The following DZANK1 variants were observed in gnomAD, a reference collection of about 807,000 sequenced individuals.
The protein encoded by DZANK1 is double zinc ribbon and ankyrin repeat-containing protein 1.
DZANK1 carries 91 observed loss-of-function variants against 94.5 expected under a neutral mutation model. The observed-to-expected ratio is 0.96, with a 90% CI of 0.81 to 1.15. The LOEUF (loss-of-function observed/expected upper bound fraction) is 1.15, where lower values mean the gene tolerates loss of function less well. DZANK1 is among the 50% of genes most tolerant of loss of function. The pLI is 0.00. For synonymous variants in DZANK1, 312 were observed against 325.3 expected (o/e 0.96, Z 0.44); for missense variants, 903 against 916.4 (o/e 0.99, Z 0.19).
intron 12 of DZANK1, 125 bp from the exon 13 acceptor site, chr20:18,412,978 T>C (rs770774618): frequency 1.4e-5 from 13 of 925,158 alleles, no homozygotes; most frequent in East Asian, 2.6e-5. Flanking sequence ...TTGGAACTAA[T>C]AGGGTTTTCC....
In DZANK1 at chr20:18,422,452, T is replaced by A. The variant is rs190933846; in HGVS notation, c.954+4615A>T. Reference sequence around the variant, plus strand: ...TGTTCTGATTACTATATGCTGAATATCTCTAATCTGAAAATCTAAAATCTA... The same window carrying A: ...TGTTCTGATTACTATATGCTGAATAACTCTAATCTGAAAATCTAAAATCTA... On this transcript the variant is annotated intron_variant, in intron 10 of 20. Transcript: ENST00000262547. Among the ~76,000 whole-genome samples, 361 of 152,320 alleles carry A rather than the reference T, an allele frequency of 2.4e-3. 5 individuals carry two copies. Among genetic ancestry groups the A allele is most frequent in the Admixed American group, 0.02 (304 of 15,288 alleles).
chr20:18,398,870 C>G (rs756988640), intron 13 of DZANK1, among the ~76,000 whole-genome samples: 1 of 152,144 alleles, frequency 6.6e-6, no homozygotes, highest in African/African-American at 2.4e-5. Context: ...TGGTGGCTCA[C>G]GCCTGTAATC....
chr20:18,389,563 T>C (rs2055836101), intron 19 of DZANK1, 138 bp downstream of exon 19: 1 of 1,279,850 alleles, frequency 7.8e-7, no homozygotes, highest in African/African-American at 1.5e-5. Context: ...AAGCCTCTTA[T>C]TAAAGCTGAA....
intron 10 of DZANK1, among the ~76,000 whole-genome samples, chr20:18,422,021 T>C (rs920564389): frequency 1.3e-5 from 2 of 152,234 alleles, no homozygotes; most frequent in African/African-American, 4.8e-5. Context: ...GTCTCTTAAC[T>C]GTGTTCATTG....
At chr20:18,412,668 C>G (rs6075337) in exon 13 of DZANK1, 1,227,726 of 1,612,512 alleles carry the variant, frequency 0.76, 474,713 homozygotes, top group South Asian at 0.83. Context: ...TGATGGCTGT[C>G]AGGAGGGGTT....
chr20:18,405,537 A>T (rs1418502396), intron 13 of DZANK1, among the ~76,000 whole-genome samples: 4 of 152,184 alleles, frequency 2.6e-5, no homozygotes, highest in African/African-American at 9.7e-5. Flanking sequence ...GGACAGAAAA[A>T]AATATTTGAA....
chr20:18,436,084 G>A (rs2058509827), intron 8 of DZANK1, among the ~76,000 whole-genome samples: 1 of 152,124 alleles, frequency 6.6e-6, no homozygotes, highest in South Asian at 2.1e-4. Flanking sequence ...ATCTCTGAGT[G>A]CCTTTACATG....
chr20:18,445,835 C>T (rs2058857520), intron 7 of DZANK1, among the ~76,000 whole-genome samples: 1 of 152,156 alleles, frequency 6.6e-6, no homozygotes, highest in African/African-American at 2.4e-5. Flanking sequence ...CGGCTCACTG[C>T]AGCCTCCACC....
intron 19 of DZANK1, among the ~76,000 whole-genome samples, chr20:18,387,626 C>CA (rs1178610957): frequency 6.6e-6 from 1 of 152,224 alleles, no homozygotes; most frequent in Non-Finnish European, 1.5e-5. Context: ...CTGGGCCTCT[C>CA]ACCTAGTGAG....
intron 13 of DZANK1, among the ~76,000 whole-genome samples, chr20:18,399,445 G>A (rs891794129): frequency 1.3e-5 from 2 of 151,994 alleles, no homozygotes; most frequent in Admixed American, 1.3e-4. Context: ...ACCCAGGCTG[G>A]TCACAAACTC....
chr20:18,394,631 A>T (rs767348551), intron 15 of DZANK1: 1 of 610,066 alleles, frequency 1.6e-6, no homozygotes, highest in Admixed American at 1.9e-5. Context: ...ATAGCCTTTC[A>T]ACAGGGGTCT....
At chr20:18,453,570 A>T (rs2424199) in intron 5 of DZANK1, among the ~76,000 whole-genome samples, 161 bp downstream of exon 5, 75,732 of 151,912 alleles carry the variant, frequency 0.5, 19,291 homozygotes, top group East Asian at 0.59. Flanking sequence ...CTTAAGCTGT[A>T]AGCAAGGACG....
At chr20:18,452,835 C>A (rs535176660) in intron 5 of DZANK1, 96 bp from the exon 6 acceptor site, 2 of 1,215,062 alleles carry the variant, frequency 1.6e-6, no homozygotes, top group East Asian at 2.6e-5. Flanking sequence ...TAATAAAGAA[C>A]CACTGTCACC....
In DZANK1 at chr20:18,389,752, G is replaced by A. The variant is rs1313127515; in HGVS notation, c.1967C>T (p.Ala656Val). ...TCCTCTCTGCACGAGAACTGGAATC[G>A]CTTCATGGTGCTTATTCATAACAGC... is the stretch of plus-strand genomic sequence containing the variant. The change falls in exon 19 of 21, where the codon GCG (alanine) becomes GTG (valine). Residue 656 changes from alanine (A) to valine (V), a missense_variant. Coordinates refer to ENST00000262547, the Ensembl canonical transcript of DZANK1. The A allele has an allele frequency of 1.2e-5, 20 of 1,613,892 alleles. No individual in the cohort carries two copies. Among genetic ancestry groups the A allele is most frequent in the Non-Finnish European group, 1.5e-5 (18 of 1,179,862 alleles).
At chr20:18,443,300 G>T in intron 8 of DZANK1, 47 bp downstream of exon 8, 1 of 1,241,804 alleles carries the variant, frequency 8.1e-7, no homozygotes, top group Non-Finnish European at 1.2e-6. Context: ...TGCAAATAAA[G>T]ATCAGATCAA....
chr20:18,412,636 TC>T lies in DZANK1; in HGVS notation c.1432+9del. 6.2e-7 allele frequency: 1 copy of T among 1,611,440 alleles called. No individual in the cohort carries two copies. The highest frequency in any genetic ancestry group is 1.1e-5 in the South Asian group (1 of 90,986). ...CTCCCGACCAGAAGAAAGGGCATCC[TC>T]CCCCTTACCTCTTCCTGGGCTGATG... On this transcript the variant is annotated intron_variant, in intron 13 of 20. Transcript: ENST00000262547.
chr20:18,436,610 T>A (rs2058536419), intron 8 of DZANK1, among the ~76,000 whole-genome samples: 1 of 151,100 alleles, frequency 6.6e-6, no homozygotes, highest in Non-Finnish European at 1.5e-5. Flanking sequence ...TGGGGCAAAA[T>A]CAAGCACAGC....
At chr20:18,463,920 T>C (rs540122461) in intron 2 of DZANK1, among the ~76,000 whole-genome samples, 1 of 152,326 alleles carries the variant, frequency 6.6e-6, no homozygotes, top group Non-Finnish European at 1.5e-5. Context: ...ACACATCTAT[T>C]TGTTCATATG....
exon 19 of DZANK1, chr20:18,389,711 G>C (rs1266395038): frequency 3.7e-6 from 6 of 1,613,868 alleles, no homozygotes; most frequent in Non-Finnish European, 5.1e-6. Context: ...GGCCCCCACT[G>C]CTGGTCGATG....
Sources: allele counts gnomAD v4.1 joint callset (sites outside exome capture counted in the v4.1 genomes callset), GRCh38; gene constraint gnomAD v4.1.1; transcripts MANE v1.5; gene names NCBI Gene and HGNC (gene_info 2026-07-23, HGNC 2026-07-21).